The following PRORP variants were observed in gnomAD, a reference collection of about 807,000 sequenced individuals.
PRORP encodes mitochondrial ribonuclease P catalytic subunit.
PRORP carries 51 observed loss-of-function variants against 59.4 expected under a neutral mutation model. The observed-to-expected ratio is 0.86, with a 90% CI of 0.69 to 1.08. The LOEUF (loss-of-function observed/expected upper bound fraction) is 1.08. Among genes scored for constraint, PRORP ranks in the 50% least tolerant of loss-of-function variants. PRORP has a pLI of 0.00. For missense variants in PRORP, 646 were observed against 690.3 expected, an observed-to-expected ratio of 0.94 and a Z score of 0.72; for synonymous variants, 231 against 245.6, an observed-to-expected ratio of 0.94 and a Z score of 0.55.
rs969675361 is a variant in PRORP, at chr14:35,123,033, G to A, written c.-213G>A. ...GCGGCTTGCGACGTTGGACATCCCC[G>A]GATTGTTGTTTAATAGAGAAAACTC... On this transcript the variant is annotated 5_prime_UTR_variant, in exon 2 of 8. Coordinates refer to ENST00000534898, the MANE Select transcript of PRORP (RefSeq NM_014672.4). The A allele has an allele frequency of 9.0e-6, 5 of 558,416 alleles. No homozygotes were observed. Among genetic ancestry groups the A allele is most frequent in the Non-Finnish European group, 1.6e-5 (5 of 316,002 alleles). 34.6% of individuals were successfully genotyped at this position (558,416 alleles called of 1,614,324 possible).
At chr14:35,218,459 T>TCA (rs1555329355) in intron 5 of PRORP, among the ~76,000 whole-genome samples, 1 of 44,776 alleles carries the variant, frequency 2.2e-5, no homozygotes, top group Non-Finnish European at 3.6e-5. Context: ...AGATCCTGTC[T>TCA]AAAAAAAGAA....
rs1294190191 is a variant in PRORP, at chr14:35,235,291, G to A, written c.1276-31436G>A. On this transcript the variant is annotated intron_variant, in intron 5 of 7. Transcript: ENST00000534898. ...AGTGATGGCGGATTTCATCATATCT[G>A]TCATTGTAATTGGTCCTGATAGCTT... is the stretch of plus-strand genomic sequence containing the variant. 6 of 690,208 alleles carry A rather than the reference G, an allele frequency of 8.7e-6. No homozygotes were observed. The African/African-American group carries it at 1.1e-4, about 12-fold the overall frequency. 42.8% of individuals were successfully genotyped at this position (690,208 alleles called of 1,614,324 possible).
At chr14:35,185,575 C>G (rs2139059368) in intron 5 of PRORP, among the ~76,000 whole-genome samples, 1 of 152,256 alleles carries the variant, frequency 6.6e-6, no homozygotes, top group South Asian at 2.1e-4. Context: ...CCTGCCAATA[C>G]CTTCCCATAG....
At chr14:35,201,977 T>A (rs1035701763) in intron 5 of PRORP, among the ~76,000 whole-genome samples, 248 of 150,726 alleles carry the variant, frequency 1.6e-3, no homozygotes, top group Non-Finnish European at 2.8e-3. Flanking sequence ...TTATTATTTT[T>A]TTTTTTTTTT....
At chr14:35,211,453 G>C (rs2049443858) in intron 5 of PRORP, among the ~76,000 whole-genome samples, 1 of 152,066 alleles carries the variant, frequency 6.6e-6, no homozygotes, top group Non-Finnish European at 1.5e-5. Flanking sequence ...AATGATTCTT[G>C]TTTTTACAGC....
chr14:35,161,576 G>A (rs1056297997), intron 4 of PRORP, among the ~76,000 whole-genome samples: 8 of 152,076 alleles, frequency 5.3e-5, no homozygotes, highest in African/African-American at 1.9e-4. Context: ...CTGTGTTACT[G>A]CCTTTTTTAT....
At chr14:35,252,830 C>T (rs1482299924) in intron 5 of PRORP, among the ~76,000 whole-genome samples, 1 of 152,140 alleles carries the variant, frequency 6.6e-6, no homozygotes, top group African/African-American at 2.4e-5. Flanking sequence ...ACCACACAAT[C>T]AGACTTTCCT....
At chr14:35,215,285 T>A (rs143467825) in intron 5 of PRORP, among the ~76,000 whole-genome samples, 1 of 152,194 alleles carries the variant, frequency 6.6e-6, no homozygotes, top group East Asian at 1.9e-4. Flanking sequence ...TCTCAGTACT[T>A]TAGCATCTTC....
intron 4 of PRORP, among the ~76,000 whole-genome samples, chr14:35,160,305 C>T (rs2048025547): frequency 6.6e-6 from 1 of 152,186 alleles, no homozygotes; most frequent in Non-Finnish European, 1.5e-5. Flanking sequence ...AATCACTTCC[C>T]ATTTCCTTTC....
rs776592330 is a variant in PRORP at position 35,180,738 on chromosome 14, T to G, written c.1236T>G (p.Asn412Lys). 1.9e-6 allele frequency: 3 copies of G among 1,613,188 alleles called. No homozygotes were observed. Among genetic ancestry groups the G allele is most frequent in the Non-Finnish European group, 2.5e-6 (3 of 1,179,444 alleles). The change falls in exon 5 of 8, where the codon AAT becomes AAG. Residue 412 changes from asparagine to lysine, a missense_variant. Transcript: ENST00000534898. ...TTGATGTTGTCATTGATGGTCTCAA[T>G]GTTGCCAAAATGTTTCCTAAAGTTC... ...PPFDVVIDGL[N>K]VAKMFPKVRE...
At chr14:35,146,935 AT>A (rs892781755) in intron 4 of PRORP, among the ~76,000 whole-genome samples, 10 of 150,346 alleles carry the variant, frequency 6.7e-5, no homozygotes, top group African/African-American at 2.0e-4. Flanking sequence ...CTACAAAAAA[AT>A]TTTTTTTTTA....
chr14:35,177,144 C>T (rs1156667142), intron 4 of PRORP, among the ~76,000 whole-genome samples: 1 of 152,116 alleles, frequency 6.6e-6, no homozygotes, highest in Non-Finnish European at 1.5e-5. Context: ...TTCAGTTTGC[C>T]AGTATTTTAT....
chr14:35,201,721 C>T (rs928947685), intron 5 of PRORP, among the ~76,000 whole-genome samples: 5 of 151,634 alleles, frequency 3.3e-5, no homozygotes, highest in Admixed American at 2.0e-4. Flanking sequence ...TGCAGTGGTG[C>T]GATCTTGGCT....
At position 35,271,750 on chromosome 14, in the gene PRORP, C is replaced by T. The variant is rs183503467; in HGVS notation, c.1620+1154C>T. On this transcript the variant is annotated intron_variant, in intron 7 of 7. Coordinates refer to ENST00000534898, the MANE Select transcript of PRORP (RefSeq NM_014672.4). The stretch of plus-strand genomic sequence containing the variant: ...CAATTATCAAAAAATATTGGCTGGG[C>T]GTGATGGCTCACACCTGTAATCTCA... Among the ~76,000 whole-genome samples, 622 of 152,188 alleles carry T rather than the reference C, an allele frequency of 4.1e-3. 4 individuals are homozygous for T. The highest frequency in any genetic ancestry group is 0.014 in the African/African-American group (592 of 41,512).
At chr14:35,136,649 A>G (rs2047383349) in intron 4 of PRORP, among the ~76,000 whole-genome samples, 1 of 145,520 alleles carries the variant, frequency 6.9e-6, no homozygotes, top group African/African-American at 2.4e-5. Flanking sequence ...TGCTGGGATT[A>G]CAGGTGTGAG....
chr14:35,166,975 A>T (rs1213530438), intron 4 of PRORP, among the ~76,000 whole-genome samples: 2 of 152,166 alleles, frequency 1.3e-5, no homozygotes, highest in South Asian at 2.1e-4. Context: ...TTTATCTGGT[A>T]AGCTGCATGA....
At chr14:35,211,309 C>T (rs10134666) in intron 5 of PRORP, among the ~76,000 whole-genome samples, 7,395 of 152,126 alleles carry the variant, frequency 0.049, 267 homozygotes, top group African/African-American at 0.097. Flanking sequence ...TGTTTACTGA[C>T]AGCTTCCCAC....
intron 5 of PRORP, among the ~76,000 whole-genome samples, chr14:35,187,997 C>T (rs148135874): frequency 6.2e-5 from 9 of 144,268 alleles, no homozygotes; most frequent in East Asian, 2.2e-4. Flanking sequence ...ATTACAGGCA[C>T]GGCCACCACA....
intron 5 of PRORP, among the ~76,000 whole-genome samples, chr14:35,253,273 T>G (rs2050655696): frequency 6.8e-6 from 1 of 146,370 alleles, no homozygotes; most frequent in Non-Finnish European, 1.5e-5. Flanking sequence ...GAGGCTGCAG[T>G]GAGCTGTGAT....
Sources: gnomAD v4.1 joint callset for allele counts (sites outside exome capture counted in the v4.1 genomes callset) on GRCh38, gnomAD v4.1.1 for gene constraint, MANE v1.5 for transcripts, NCBI Gene and HGNC (gene_info 2026-07-23, HGNC 2026-07-21) for gene names.